The following SVEP1 variants were observed in gnomAD, a reference collection of about 807,000 sequenced individuals.
The protein encoded by SVEP1 is sushi, von Willebrand factor type A, EGF and pentraxin domain containing 1.
Under a neutral mutation model 367.3 loss-of-function variants are expected in SVEP1, and 164 were observed. The ratio of observed to expected loss-of-function variants is 0.45; its 90% CI spans 0.39 to 0.51. The LOEUF (loss-of-function observed/expected upper bound fraction) is 0.51. Ranked by LOEUF, SVEP1 falls within the 20% of genes least tolerant of loss-of-function variation. The pLI is 0.00. For synonymous variants in SVEP1, 1,666 were observed against 1,611.6 expected, an observed-to-expected ratio of 1.03 and a Z score of -0.81; for missense variants, 4,117 against 4,425.3, an observed-to-expected ratio of 0.93 and a Z score of 1.98.
chr9:110,496,974 T>C (rs373227770), intron 7 of SVEP1, 41 bp from the exon 8 acceptor site: 171 of 1,305,630 alleles, frequency 1.3e-4, no homozygotes, highest in Non-Finnish European at 1.8e-4. Context: ...TACACTGATA[T>C]GTGGTCCTAG....
intron 47 of SVEP1, among the ~76,000 whole-genome samples, chr9:110,366,915 G>T (rs1476057870): frequency 1.3e-5 from 2 of 152,168 alleles, no homozygotes; most frequent in African/African-American, 4.8e-5. Context: ...TATGATATTT[G>T]CTTAGGATCA....
At chr9:110,509,210 T>C (rs757831299) in intron 5 of SVEP1, among the ~76,000 whole-genome samples, 1 of 152,230 alleles carries the variant, frequency 6.6e-6, no homozygotes, top group Non-Finnish European at 1.5e-5. Context: ...AAGATGCATC[T>C]CCATTTTAGA....
At chr9:110,394,707 A>G (rs1210193358) in intron 40 of SVEP1, among the ~76,000 whole-genome samples, 2 of 152,272 alleles carry the variant, frequency 1.3e-5, no homozygotes, top group African/African-American at 4.8e-5. Context: ...TGACCAGTGC[A>G]GAAGCCTCAA....
At position 110,499,235 on chromosome 9, in the gene SVEP1, C is replaced by T. The variant is rs116439114; in HGVS notation, c.1487G>A (p.Arg496His). ...GGGCATCTGAAAGGTGGAACAGTGG[C>T]GCTCTACGGTAGGGAAACAGAGAGA... Reference protein sequence around the residue: ...WDGPEPRCVERHCSTFQMPKD... With the variant: ...WDGPEPRCVEHHCSTFQMPKD... The change falls in exon 7 of 48, where the codon CGC becomes CAC. Residue 496 changes from arginine (R) to histidine (H), a missense_variant. Around this residue, in one of 4 missense-constraint regions of SVEP1, gnomAD observed 2,174 missense variants for 2,494.3 expected, o/e 0.87. Transcript: ENST00000374469. 6.6e-4 allele frequency: 1,065 copies of T among 1,611,120 alleles called. 6 individuals are homozygous for T. In the African/African-American group the frequency reaches 0.012, roughly 18 times the overall value.
intron 18 of SVEP1, among the ~76,000 whole-genome samples, chr9:110,465,512 A>G (rs569713298): frequency 6.6e-6 from 1 of 152,334 alleles, no homozygotes; most frequent in Middle Eastern, 3.4e-3. Context: ...TAGAGTTTCA[A>G]GAAACACTAG....
chr9:110,493,927 G>A (rs929003631), intron 8 of SVEP1, among the ~76,000 whole-genome samples: 5 of 152,136 alleles, frequency 3.3e-5, no homozygotes, highest in African/African-American at 9.7e-5. Flanking sequence ...CTGCCTGCAT[G>A]GTCCTCCTCC....
At chr9:110,414,276 A>T (rs1228327095) in intron 36 of SVEP1, among the ~76,000 whole-genome samples, 3 of 152,034 alleles carry the variant, frequency 2.0e-5, no homozygotes, top group Non-Finnish European at 4.4e-5. Context: ...CTTCATCCTA[A>T]CTGACAATAT....
At chr9:110,471,626 A>G in intron 15 of SVEP1, 29 bp from the exon 16 acceptor site, 1 of 1,533,746 alleles carries the variant, frequency 6.5e-7, no homozygotes, top group Non-Finnish European at 9.0e-7. Flanking sequence ...AAAACACAAC[A>G]CAAACACATG....
At chr9:110,473,319 T>A (rs12349119) in intron 14 of SVEP1, among the ~76,000 whole-genome samples, 41,556 of 151,992 alleles carry the variant, frequency 0.27, 6,131 homozygotes, top group Non-Finnish European at 0.32. Context: ...CAAAGAGAAA[T>A]GTATTAAAAA....
At chr9:110,397,400 A>T (rs1256878399) in intron 40 of SVEP1, among the ~76,000 whole-genome samples, 1 of 152,248 alleles carries the variant, frequency 6.6e-6, no homozygotes, top group Non-Finnish European at 1.5e-5. Context: ...CTGAATGGGC[A>T]AAAACTGGAA....
chr9:110,498,948 C>T lies in SVEP1; in HGVS notation c.1681+93G>A. The T allele has an allele frequency of 3.6e-6, 4 of 1,116,694 alleles. No individual in the cohort carries two copies. In the South Asian group the frequency reaches 6.6e-5, roughly 19 times the overall value. The allele number at this position is 1,116,694 out of a possible 1,614,324, so 69.2% of individuals were successfully genotyped here. On this transcript the variant is annotated intron_variant, in intron 7 of 47. Transcript: ENST00000374469. ...ACCTAACCATATTATCATGGGTTTG[C>T]AGCAAAAGTTGCAAAGAAGGATTGT... is the stretch of plus-strand genomic sequence containing the variant.
At chr9:110,550,481 T>TCTAC (rs1362536996) in intron 1 of SVEP1, among the ~76,000 whole-genome samples, 1 of 80,850 alleles carries the variant, frequency 1.2e-5, no homozygotes, top group Admixed American at 1.2e-4. Context: ...CCACAAATTA[T>TCTAC]CTATCTATCT....
Position 110,579,425 on chromosome 9 carries a change from G to C in SVEP1, c.119C>G (p.Pro40Arg), listed in dbSNP as rs1830666640. Residue 40 changes from proline (P) to arginine (R), a missense_variant, in exon 1 of 48, where the codon CCC becomes CGC. Pro to Arg is a moderately radical substitution (Grantham distance 103). Around this residue, in one of 4 missense-constraint regions of SVEP1, gnomAD observed 161 missense variants for 122.4 expected, o/e 1.32. Coordinates refer to ENST00000374469, the MANE Select transcript of SVEP1 (RefSeq NM_153366.4). The surrounding 1 kb of genome is among the most constrained non-coding windows in gnomAD (Gnocchi z 5.3). The stretch of plus-strand genomic sequence containing the variant: ...CGCGGGGATACTCCCGGGGGCCCCG[G>C]GCGCGGTCTCGGGGAAGAGGCGGAA... ...FSFRLFPETA[P>R]GAPGSIPAPP... 3 of 1,586,634 alleles carry C rather than the reference G, an allele frequency of 1.9e-6. No homozygotes were observed. The highest frequency in any genetic ancestry group is 1.3e-5 in the African/African-American group (1 of 74,256).
At chr9:110,577,422 C>G (rs1830640076) in intron 1 of SVEP1, among the ~76,000 whole-genome samples, 1 of 152,106 alleles carries the variant, frequency 6.6e-6, no homozygotes, top group African/African-American at 2.4e-5. Context: ...GCTGGGACAA[C>G]TGGTTAACTA....
chr9:110,480,582 G>A (rs1829169654), intron 12 of SVEP1, among the ~76,000 whole-genome samples: 1 of 152,056 alleles, frequency 6.6e-6, no homozygotes, highest in Admixed American at 6.6e-5. Context: ...ATTCCATCAT[G>A]TATGTTAGAT....
intron 43 of SVEP1, among the ~76,000 whole-genome samples, chr9:110,383,339 G>A (rs1376560013): frequency 6.6e-6 from 1 of 152,122 alleles, no homozygotes; most frequent in East Asian, 1.9e-4. Flanking sequence ...GGGCTGCTGT[G>A]GTTTGCTGGG....
intron 3 of SVEP1, among the ~76,000 whole-genome samples, chr9:110,536,584 A>T (rs753440990): frequency 2.6e-5 from 4 of 151,966 alleles, no homozygotes; most frequent in Non-Finnish European, 5.9e-5. Flanking sequence ...CACCCCTTCA[A>T]ATTTTACTAG....
At chr9:110,516,201 T>C (rs1464773160) in intron 3 of SVEP1, among the ~76,000 whole-genome samples, 1 of 149,172 alleles carries the variant, frequency 6.7e-6, no homozygotes, top group Admixed American at 6.7e-5. Context: ...AAATATAAAA[T>C]AAAAATATAA....
chr9:110,533,599 TGTGTGTGTGCACGCACAC>T (rs1382278589), intron 3 of SVEP1, among the ~76,000 whole-genome samples: 2 of 107,982 alleles, frequency 1.9e-5, no homozygotes, highest in East Asian at 4.8e-4. Context: ...TGTGTCTGTG[TGTGTGTGTGCACGCACAC>T]GTGTGTGTGT....
Sources: gnomAD v4.1 joint callset for allele counts (sites outside exome capture counted in the v4.1 genomes callset) on GRCh38, gnomAD v4.1.1 for gene constraint, gnomAD v4.1.1 regional missense constraint, Gnocchi (gnomAD v3.1) non-coding constraint, MANE v1.5 for transcripts, NCBI Gene and HGNC (gene_info 2026-07-23, HGNC 2026-07-21) for gene names.